Variants in TFG observed in about 807,000 individuals in gnomAD.
The protein encoded by TFG is protein TFG.
Under a neutral mutation model 51.4 loss-of-function variants are expected in TFG, and 22 were observed. The ratio of observed to expected loss-of-function variants is 0.43; its 90% confidence interval spans 0.31 to 0.61. The LOEUF (loss-of-function observed/expected upper bound fraction) is 0.61, where lower values mean the gene tolerates loss of function less well. TFG is among the 20% of genes least tolerant of loss of function. The pLI, the probability that TFG is intolerant of heterozygous loss-of-function variation, is 0.12. For missense variants in TFG, 419 were observed against 487.7 expected, an observed-to-expected ratio of 0.86 and a Z score of 1.33; for synonymous variants, 187 against 165.6, an observed-to-expected ratio of 1.13 and a Z score of -0.99.
chr3:100,713,721 C>A lies in TFG; in HGVS notation c.36C>A (p.Ile12=). 1.2e-6 allele frequency: 2 copies of A among 1,609,594 alleles called. No homozygotes were observed. Among genetic ancestry groups the A allele is most frequent in the Non-Finnish European group, 1.7e-6 (2 of 1,177,134 alleles). The stretch of plus-strand genomic sequence containing the variant: ...AGTTGGATCTAAGTGGGAAGCTAAT[C>A]ATCAAAGCTCAACTTGGGGAGGATA... ...NGQLDLSGKL[I]IKAQLGEDIR... is the part of the protein sequence containing the mutation. The change falls in exon 2 of 8, where the codon ATC becomes ATA. Residue 12 remains isoleucine, a synonymous_variant. Transcript: ENST00000240851.
At chr3:100,728,938 A>T in intron 4 of TFG, 80 bp downstream of exon 4, 1 of 1,267,684 alleles carries the variant, frequency 7.9e-7, no homozygotes. Flanking sequence ...TTTAAGTAGG[A>T]GAAGGATGGC....
chr3:100,744,985 T>G, intron 7 of TFG, 54 bp downstream of exon 7: 1 of 1,134,476 alleles, frequency 8.8e-7, no homozygotes, highest in Non-Finnish European at 1.3e-6. Flanking sequence ...CTATACTCAT[T>G]AAACTTTAAG....
At chr3:100,730,483 T>C (rs892924582) in intron 4 of TFG, among the ~76,000 whole-genome samples, 1 of 152,250 alleles carries the variant, frequency 6.6e-6, no homozygotes, top group Admixed American at 6.5e-5. Context: ...GTCTGACATA[T>C]CTGATGATAA....
chr3:100,736,574 A>G lies in TFG; in HGVS notation c.581-2A>G. On this transcript the variant is annotated splice_acceptor_variant, in intron 5 of 7. Transcript: ENST00000240851. LOFTEE classifies it high-confidence loss of function. ...TAAACTGACTTTTTTTTGACTATCC[A>G]GGGCCACCCAGTGCTCCTGCAGAAG... 1 of 1,613,692 alleles carries G rather than the reference A, an allele frequency of 6.2e-7. No individual in the cohort carries two copies. The highest frequency in any genetic ancestry group is 8.5e-7 in the Non-Finnish European group (1 of 1,179,832).
At chr3:100,726,527 T>C (rs937634484) in intron 3 of TFG, among the ~76,000 whole-genome samples, 6 of 152,234 alleles carry the variant, frequency 3.9e-5, no homozygotes, top group Non-Finnish European at 7.3e-5. Context: ...ATTTAAACTT[T>C]TAATTGAGTA....
intron 4 of TFG, among the ~76,000 whole-genome samples, chr3:100,729,488 A>T (rs1328468786): frequency 6.6e-6 from 1 of 152,200 alleles, no homozygotes; most frequent in Non-Finnish European, 1.5e-5. Flanking sequence ...TAAAATGTGG[A>T]CTGAACTTTA....
intron 6 of TFG, among the ~76,000 whole-genome samples, chr3:100,738,339 C>T (rs2095112310): frequency 6.6e-6 from 1 of 152,202 alleles, no homozygotes; most frequent in African/African-American, 2.4e-5. Context: ...TTAATGCCTA[C>T]ATCAAGCGAA....
At chr3:100,746,086 C>T in intron 7 of TFG, among the ~76,000 whole-genome samples, 1 of 152,084 alleles carries the variant, frequency 6.6e-6, no homozygotes, top group East Asian at 1.9e-4. Flanking sequence ...GTATAAAATA[C>T]ATAGAACTTA....
chr3:100,734,377 G>A (rs1295664122), intron 5 of TFG, among the ~76,000 whole-genome samples: 1 of 152,020 alleles, frequency 6.6e-6, no homozygotes, highest in African/African-American at 2.4e-5. Context: ...CTGGGGATTT[G>A]GACAGAGTGT....
intron 3 of TFG, 62 bp downstream of exon 3, chr3:100,720,120 CT>C: frequency 1.9e-6 from 2 of 1,069,760 alleles, no homozygotes; most frequent in Admixed American, 2.6e-5. Context: ...AGATGTTTGG[CT>C]TTTTTCCTTT....
chr3:100,715,726 ATTT>A (rs879744191), intron 2 of TFG, among the ~76,000 whole-genome samples: 1 of 144,794 alleles, frequency 6.9e-6, no homozygotes. Context: ...TGATCAGTGA[ATTT>A]TTTTTTTTTT....
chr3:100,720,569 A>G (rs2095057895), intron 3 of TFG, among the ~76,000 whole-genome samples: 1 of 152,132 alleles, frequency 6.6e-6, no homozygotes, highest in Admixed American at 6.5e-5. Context: ...TAGGGTTCAC[A>G]CTCCTATGTG....
intron 1 of TFG, among the ~76,000 whole-genome samples, chr3:100,712,035 A>T (rs775248788): frequency 2.6e-5 from 4 of 152,206 alleles, no homozygotes; most frequent in Non-Finnish European, 5.9e-5. Context: ...TAAGATAAGC[A>T]TGGCATCCCT....
chr3:100,745,957 A>T (rs982504107), intron 7 of TFG, among the ~76,000 whole-genome samples: 1 of 152,002 alleles, frequency 6.6e-6, no homozygotes, highest in Non-Finnish European at 1.5e-5. Flanking sequence ...AAGTTTGCTG[A>T]CTCCTGACCT....
chr3:100,729,990 T>C (rs1346200196), intron 4 of TFG, among the ~76,000 whole-genome samples: 1 of 152,320 alleles, frequency 6.6e-6, no homozygotes, highest in South Asian at 2.1e-4. Context: ...CACTTTATGA[T>C]GAAACCTTTT....
chr3:100,729,092 C>G (rs574283910), intron 4 of TFG, among the ~76,000 whole-genome samples: 2 of 152,292 alleles, frequency 1.3e-5, no homozygotes, highest in South Asian at 4.1e-4. Flanking sequence ...TGGAGCGTAG[C>G]ACCTGGAAAT....
At chr3:100,746,739 C>T (rs1289392756) in intron 7 of TFG, among the ~76,000 whole-genome samples, 1 of 151,708 alleles carries the variant, frequency 6.6e-6, no homozygotes, top group African/African-American at 2.4e-5. Context: ...GATCAGATTA[C>T]TTCCAGGCCC....
At chr3:100,733,528 T>C (rs2149083893) in intron 5 of TFG, among the ~76,000 whole-genome samples, 1 of 152,332 alleles carries the variant, frequency 6.6e-6, no homozygotes, top group South Asian at 2.1e-4. Context: ...TTTAAAAATA[T>C]TTAGCTGCTT....
At chr3:100,726,426 C>A (rs2095076043) in intron 3 of TFG, among the ~76,000 whole-genome samples, 1 of 152,196 alleles carries the variant, frequency 6.6e-6, no homozygotes, top group Non-Finnish European at 1.5e-5. Flanking sequence ...CACAGACACA[C>A]CCAGAAACAG....
Sources: gnomAD v4.1 joint callset for allele counts (sites outside exome capture counted in the v4.1 genomes callset) on GRCh38, gnomAD v4.1.1 for gene constraint, MANE v1.5 for transcripts, NCBI Gene and HGNC (gene_info 2026-07-23, HGNC 2026-07-21) for gene names.